Variants in PTPRR observed in about 807,000 individuals in gnomAD.
PTPRR encodes the protein protein tyrosine phosphatase receptor type R, also known as receptor-type tyrosine-protein phosphatase R.
PTPRR carries 38 observed loss-of-function variants against 77.2 expected under a neutral mutation model. That is an observed-to-expected ratio of 0.49 (90% confidence interval 0.38 to 0.65). The LOEUF is 0.65. Among genes scored for constraint, PTPRR ranks in the 30% least tolerant of loss-of-function variants. The pLI, the probability that PTPRR is intolerant of heterozygous loss-of-function variation, is 0.00. For synonymous variants in PTPRR, 299 were observed against 283.1 expected, an observed-to-expected ratio of 1.06 and a Z score of -0.57; for missense variants, 744 against 799.2, an observed-to-expected ratio of 0.93 and a Z score of 0.83.
At chr12:70,723,983 A>G (rs2136857533) in intron 6 of PTPRR, among the ~76,000 whole-genome samples, 1 of 152,334 alleles carries the variant, frequency 6.6e-6, no homozygotes, top group South Asian at 2.1e-4. Flanking sequence ...TTAGACAAAC[A>G]CACAAAAAAA....
intron 2 of PTPRR, among the ~76,000 whole-genome samples, chr12:70,778,150 T>A (rs1016215711): frequency 7.2e-5 from 11 of 152,362 alleles, no homozygotes; most frequent in African/African-American, 2.6e-4. Context: ...TGTGGTGCTT[T>A]TAACAATAAA....
At chr12:70,878,929 A>C (rs1893101345) in intron 2 of PTPRR, among the ~76,000 whole-genome samples, 1 of 152,240 alleles carries the variant, frequency 6.6e-6, no homozygotes, top group African/African-American at 2.4e-5. Flanking sequence ...GCCATAAAAA[A>C]GGATGAGTTC....
intron 1 of PTPRR, among the ~76,000 whole-genome samples, chr12:70,902,529 A>G (rs1592825199): frequency 6.6e-6 from 1 of 151,840 alleles, no homozygotes; most frequent in Non-Finnish European, 1.5e-5. Context: ...ATCTATATAT[A>G]CACACAATGG....
intron 2 of PTPRR, among the ~76,000 whole-genome samples, chr12:70,838,514 T>C (rs1369608669): frequency 2.0e-5 from 3 of 152,152 alleles, no homozygotes; most frequent in African/African-American, 7.2e-5. Flanking sequence ...ATTGAGACTA[T>C]TTGGGAGTGA....
intron 6 of PTPRR, among the ~76,000 whole-genome samples, chr12:70,739,506 A>G (rs1369872272): frequency 3.3e-5 from 5 of 152,238 alleles, no homozygotes; most frequent in African/African-American, 9.6e-5. Context: ...ATGTGAAGCA[A>G]CATTAATTAA....
At chr12:70,774,283 G>A (rs933990426) in intron 2 of PTPRR, among the ~76,000 whole-genome samples, 1 of 152,190 alleles carries the variant, frequency 6.6e-6, no homozygotes, top group Non-Finnish European at 1.5e-5. Context: ...GTCTATGCTG[G>A]GAACCCACAA....
At chr12:70,718,927 C>T (rs191255030) in intron 6 of PTPRR, among the ~76,000 whole-genome samples, 106 of 152,184 alleles carry the variant, frequency 7.0e-4, no homozygotes, top group African/African-American at 2.5e-3. Flanking sequence ...ATTATCAATA[C>T]GCACATTTTC....
At chr12:70,757,520 T>C (rs1890590338) in intron 4 of PTPRR, among the ~76,000 whole-genome samples, 1 of 152,178 alleles carries the variant, frequency 6.6e-6, no homozygotes, top group South Asian at 2.1e-4. Context: ...AAGGAAATAA[T>C]GTCTTTTCCT....
At chr12:70,675,869 T>C (rs1433643965) in intron 10 of PTPRR, among the ~76,000 whole-genome samples, 1 of 151,932 alleles carries the variant, frequency 6.6e-6, no homozygotes, top group African/African-American at 2.4e-5. Context: ...GATTTTTGGC[T>C]TCTAGTTTTG....
chr12:70,678,629 T>A (rs1197878944), intron 10 of PTPRR, among the ~76,000 whole-genome samples: 1 of 152,160 alleles, frequency 6.6e-6, no homozygotes, highest in Non-Finnish European at 1.5e-5. Context: ...CTTTGATCTT[T>A]CTTATTTACT....
At chr12:70,667,715 T>C (rs554495889) in intron 10 of PTPRR, among the ~76,000 whole-genome samples, 1 of 152,222 alleles carries the variant, frequency 6.6e-6, no homozygotes, top group Admixed American at 6.5e-5. Context: ...TGAATCCAGT[T>C]GACCAGCGAC....
Position 70,838,276 on chromosome 12 carries a change from T to G in PTPRR, c.357+54403A>C, listed in dbSNP as rs532780858. ...CTCACTACATTAGGATAGATGTGTT[T>G]TCATGAATGAGGTTGCATATTTACA... On this transcript the variant is annotated intron_variant, in intron 2 of 13. Transcript: ENST00000283228. Among the ~76,000 whole-genome samples the G allele has an allele frequency of 1.2e-4, 18 of 152,296 alleles. No individual in the cohort carries two copies. In the East Asian group the frequency reaches 3.5e-3, roughly 29 times the overall value.
chr12:70,862,297 T>G (rs1471304077), intron 2 of PTPRR, among the ~76,000 whole-genome samples: 1 of 152,028 alleles, frequency 6.6e-6, no homozygotes, highest in Non-Finnish European at 1.5e-5. Flanking sequence ...AAGGGTACCT[T>G]TTCTACAGAG....
At chr12:70,812,157 G>A (rs1326241700) in intron 2 of PTPRR, among the ~76,000 whole-genome samples, 1 of 152,142 alleles carries the variant, frequency 6.6e-6, no homozygotes, top group Non-Finnish European at 1.5e-5. Context: ...GAAAAAATTA[G>A]AAAGCTACAA....
At chr12:70,689,618 A>G (rs2136750323) in intron 8 of PTPRR, among the ~76,000 whole-genome samples, 1 of 152,258 alleles carries the variant, frequency 6.6e-6, no homozygotes, top group South Asian at 2.1e-4. Flanking sequence ...AGATCACAAA[A>G]TAACAAACAA....
intron 2 of PTPRR, among the ~76,000 whole-genome samples, chr12:70,786,520 AATAGG>A (rs1355946921): frequency 6.6e-6 from 1 of 152,208 alleles, no homozygotes; most frequent in Non-Finnish European, 1.5e-5. Flanking sequence ...ATATTCAATC[AATAGG>A]AATAGACTCT....
intron 13 of PTPRR, among the ~76,000 whole-genome samples, chr12:70,644,170 C>A (rs1886111981): frequency 6.6e-6 from 1 of 152,188 alleles, no homozygotes; most frequent in Non-Finnish European, 1.5e-5. Context: ...CACTAAACCT[C>A]TTTTGGTCTG....
At chr12:70,644,664 ATTATTG>A (rs755557106) in intron 13 of PTPRR, among the ~76,000 whole-genome samples, 4 of 152,318 alleles carry the variant, frequency 2.6e-5, no homozygotes, top group Non-Finnish European at 5.9e-5. Context: ...GTCAACTATT[ATTATTG>A]TTATTGTTAT....
chr12:70,726,434 T>C (rs1329997215), intron 6 of PTPRR, among the ~76,000 whole-genome samples: 3 of 152,140 alleles, frequency 2.0e-5, no homozygotes, highest in African/African-American at 4.8e-5. Context: ...ATGGTTTTCC[T>C]TTCTGTAAAA....
Sources: gnomAD v4.1 joint callset for allele counts (sites outside exome capture counted in the v4.1 genomes callset) on GRCh38, gnomAD v4.1.1 for gene constraint, MANE v1.5 for transcripts, NCBI Gene and HGNC (gene_info 2026-07-23, HGNC 2026-07-21) for gene names.